Variants in CHSY3 observed in about 807,000 individuals in gnomAD.
CHSY3 encodes N-acetylgalactosaminyl-proteoglycan 3-beta-glucuronosyltransferase 3.
Under a neutral mutation model 67.2 loss-of-function variants are expected in CHSY3, and 35 were observed. The observed-to-expected ratio is 0.52, with a 90% CI of 0.40 to 0.69. The LOEUF (loss-of-function observed/expected upper bound fraction) is 0.69. Ranked by LOEUF, CHSY3 falls within the 30% of genes least tolerant of loss-of-function variation. The probability of loss-of-function intolerance (pLI) is 0.00; values close to 1 mark genes in which losing one functional copy is unlikely to be tolerated. For synonymous variants in CHSY3, 474 were observed against 434.7 expected, an observed-to-expected ratio of 1.09 and a Z score of -1.12; for missense variants, 1,069 against 1,138.5, an observed-to-expected ratio of 0.94 and a Z score of 0.88.
intron 2 of CHSY3, among the ~76,000 whole-genome samples, chr5:129,982,225 C>T (rs1763039117): frequency 6.6e-6 from 1 of 151,886 alleles, no homozygotes; most frequent in Admixed American, 6.6e-5. Context: ...TCAGTCTTCA[C>T]TGATTCTTGT....
At chr5:130,117,270 G>A (rs1446922517) in intron 2 of CHSY3, among the ~76,000 whole-genome samples, 3 of 152,218 alleles carry the variant, frequency 2.0e-5, no homozygotes, top group African/African-American at 7.2e-5. Context: ...AGATGTGTTG[G>A]ATGTTACTAA....
At chr5:130,109,799 G>A (rs1767534180) in intron 2 of CHSY3, among the ~76,000 whole-genome samples, 1 of 151,732 alleles carries the variant, frequency 6.6e-6, no homozygotes, top group Admixed American at 6.6e-5. Flanking sequence ...GACTTGCCCA[G>A]AGCTGGATAT....
chr5:129,997,261 A>G (rs766059134), intron 2 of CHSY3, among the ~76,000 whole-genome samples: 2 of 152,200 alleles, frequency 1.3e-5, no homozygotes, highest in South Asian at 2.1e-4. Flanking sequence ...TACATGACCA[A>G]TATGACACCC....
chr5:130,137,812 A>G (rs935851284), intron 2 of CHSY3, among the ~76,000 whole-genome samples: 6 of 152,366 alleles, frequency 3.9e-5, no homozygotes, highest in Non-Finnish European at 7.3e-5. Flanking sequence ...AGTTGTTTAC[A>G]GTAGCAACTG....
chr5:130,091,148 A>G (rs562502303), intron 2 of CHSY3, among the ~76,000 whole-genome samples: 208 of 144,650 alleles, frequency 1.4e-3, no homozygotes, highest in African/African-American at 4.5e-3. Flanking sequence ...ACACGCGCGC[A>G]CACACACACA....
chr5:130,120,918 AC>A (rs1767995479), intron 2 of CHSY3, among the ~76,000 whole-genome samples: 1 of 152,180 alleles, frequency 6.6e-6, no homozygotes, highest in East Asian at 1.9e-4. Context: ...GGGATGGACC[AC>A]CTTGAAGAAG....
chr5:129,938,200 G>C (rs1230609850), intron 2 of CHSY3, among the ~76,000 whole-genome samples: 1 of 152,204 alleles, frequency 6.6e-6, no homozygotes, highest in Non-Finnish European at 1.5e-5. Context: ...TAGAGCTGGA[G>C]CAGCCACAAT....
intron 2 of CHSY3, among the ~76,000 whole-genome samples, chr5:130,017,336 G>A (rs926220878): frequency 1.3e-5 from 2 of 152,012 alleles, no homozygotes; most frequent in East Asian, 1.9e-4. Context: ...TCCTCACTCC[G>A]AACTTGAGAT....
At chr5:129,944,324 G>T (rs1761784620) in intron 2 of CHSY3, among the ~76,000 whole-genome samples, 1 of 152,158 alleles carries the variant, frequency 6.6e-6, no homozygotes, top group Non-Finnish European at 1.5e-5. Flanking sequence ...GCCTAAACAG[G>T]ATTACAAGCT....
chr5:129,910,620 T>C (rs1277619912), intron 2 of CHSY3, among the ~76,000 whole-genome samples: 1 of 152,002 alleles, frequency 6.6e-6, no homozygotes, highest in Non-Finnish European at 1.5e-5. Context: ...AAAGAGATTA[T>C]ATCTAAATTT....
At chr5:130,101,562 C>G (rs1484228025) in intron 2 of CHSY3, among the ~76,000 whole-genome samples, 1 of 151,890 alleles carries the variant, frequency 6.6e-6, no homozygotes, top group African/African-American at 2.4e-5. Context: ...GTTATCATAC[C>G]CATTACCTCA....
intron 2 of CHSY3, among the ~76,000 whole-genome samples, chr5:130,168,813 A>G (rs1261525253): frequency 2.6e-5 from 4 of 152,146 alleles, no homozygotes; most frequent in African/African-American, 9.7e-5. Context: ...AATAATTAGT[A>G]CAATGAGCAC....
intron 2 of CHSY3, among the ~76,000 whole-genome samples, chr5:129,914,513 G>A (rs1254681894): frequency 6.6e-6 from 1 of 152,160 alleles, no homozygotes; most frequent in Non-Finnish European, 1.5e-5. Context: ...CAGGGATTTT[G>A]ATTTAAAATT....
intron 2 of CHSY3, among the ~76,000 whole-genome samples, chr5:129,932,374 G>A (rs1218095703): frequency 1.3e-5 from 2 of 151,806 alleles, no homozygotes; most frequent in Non-Finnish European, 2.9e-5. Context: ...TTGATTGGAT[G>A]AGGCCTACAT....
chr5:130,113,142 G>A (rs1015329831), intron 2 of CHSY3, among the ~76,000 whole-genome samples: 6 of 152,096 alleles, frequency 3.9e-5, no homozygotes, highest in African/African-American at 1.4e-4. Flanking sequence ...TATATATAAT[G>A]TATCTGAGAC....
At position 129,911,017 on chromosome 5, in the gene CHSY3, G is replaced by T. The variant is rs780900668; in HGVS notation, c.1086+2657G>T. Among the ~76,000 whole-genome samples, 17 of 140,084 alleles carry T rather than the reference G, an allele frequency of 1.2e-4. 1 individual carries two copies. Among genetic ancestry groups the T allele is most frequent in the Non-Finnish European group, 2.6e-4 (17 of 65,470 alleles). The allele number at this position is 140,084 out of a possible 152,430, so 91.9% of individuals were successfully genotyped here. ...TTTTTGGTTTATCCTCCTAACAAAA[G>T]TTCTTTCAGAGTTGAGAGTCCTGTT... On this transcript the variant is annotated intron_variant, in intron 2 of 2. Coordinates refer to ENST00000305031, the MANE Select transcript of CHSY3 (RefSeq NM_175856.5).
chr5:130,053,553 G>A (rs994023678), intron 2 of CHSY3, among the ~76,000 whole-genome samples: 1 of 152,046 alleles, frequency 6.6e-6, no homozygotes, highest in East Asian at 1.9e-4. Flanking sequence ...TAATTGGGAG[G>A]CCAAGCTTAT....
At chr5:130,061,076 G>C (rs1765697401) in intron 2 of CHSY3, among the ~76,000 whole-genome samples, 1 of 152,058 alleles carries the variant, frequency 6.6e-6, no homozygotes, top group Non-Finnish European at 1.5e-5. Context: ...AAGTTCATAT[G>C]GAACCAGAAA....
At chr5:130,060,730 A>C (rs1240310615) in intron 2 of CHSY3, among the ~76,000 whole-genome samples, 1 of 152,200 alleles carries the variant, frequency 6.6e-6, no homozygotes, top group East Asian at 1.9e-4. Context: ...TACAAAAATC[A>C]GTGTGCAGAA....
Sources: allele counts gnomAD v4.1 joint callset (sites outside exome capture counted in the v4.1 genomes callset), GRCh38; gene constraint gnomAD v4.1.1; transcripts MANE v1.5; gene names NCBI Gene and HGNC (gene_info 2026-07-23, HGNC 2026-07-21).